The following ACTR3C variants were observed in gnomAD, a reference collection of about 807,000 sequenced individuals.
ACTR3C encodes actin related protein 3C, also known as actin-related protein 3C.
ACTR3C carries 18 observed loss-of-function variants against 26.3 expected under a neutral mutation model. That is an observed-to-expected ratio of 0.68 (90% CI 0.47 to 1.01). The LOEUF is 1.01. Ranked by LOEUF, ACTR3C falls within the 50% of genes least tolerant of loss-of-function variation. The pLI, the probability that ACTR3C is intolerant of heterozygous loss-of-function variation, is 0.00. For missense variants in ACTR3C, 184 were observed against 250.7 expected, an observed-to-expected ratio of 0.73 and a Z score of 1.80; for synonymous variants, 55 against 94.5, an observed-to-expected ratio of 0.58 and a Z score of 2.42.
the ACTR3C span, among the ~76,000 whole-genome samples, chr7:150,036,162 C>T: frequency 1.5e-5 from 2 of 131,280 alleles, no homozygotes; most frequent in African/African-American, 2.8e-5. Flanking sequence ...GGGGGTGCCT[C>T]CCCCCCCGCG....
chr7:150,277,788 G>A (rs1236039596), intron 6 of ACTR3C, among the ~76,000 whole-genome samples: 1 of 152,066 alleles, frequency 6.6e-6, no homozygotes, highest in Non-Finnish European at 1.5e-5. Flanking sequence ...TCCCAATACA[G>A]GCACTGTCCT....
chr7:150,286,600 A>G, intron 4 of ACTR3C, 60 bp from the exon 5 acceptor site: 1 of 1,585,572 alleles, frequency 6.3e-7, no homozygotes, highest in Non-Finnish European at 8.6e-7. Flanking sequence ...CTCTGCCCTC[A>G]GACAAATAAC....
At chr7:150,205,995 G>T in the ACTR3C span, among the ~76,000 whole-genome samples, 32 of 152,196 alleles carry the variant, frequency 2.1e-4, no homozygotes, top group South Asian at 6.6e-3. Flanking sequence ...TCACTTTTAC[G>T]TAATGGTACA....
chr7:149,887,582 G>T, the ACTR3C span, among the ~76,000 whole-genome samples: 1 of 152,290 alleles, frequency 6.6e-6, no homozygotes, highest in South Asian at 2.1e-4. Flanking sequence ...CCATAGTGTC[G>T]CTGGCTTGCA....
the ACTR3C span, among the ~76,000 whole-genome samples, chr7:150,161,604 A>C: frequency 1.3e-5 from 2 of 152,118 alleles, no homozygotes; most frequent in African/African-American, 2.4e-5. Flanking sequence ...TTCATAATCC[A>C]GTCTATCATT....
the ACTR3C span, among the ~76,000 whole-genome samples, chr7:150,019,529 T>C: frequency 6.6e-6 from 1 of 150,394 alleles, no homozygotes; most frequent in Non-Finnish European, 1.5e-5. Context: ...GAGGCAGAGG[T>C]TGCAGTGAGC....
chr7:150,066,991 T>G, the ACTR3C span, among the ~76,000 whole-genome samples: 681 of 152,294 alleles, frequency 4.5e-3, 5 homozygotes, highest in African/African-American at 0.016. Context: ...AGAAAACTAA[T>G]CAACCATGGA....
chr7:150,127,206 G>T, the ACTR3C span, among the ~76,000 whole-genome samples: 3 of 149,156 alleles, frequency 2.0e-5, no homozygotes, highest in Non-Finnish European at 4.4e-5. Context: ...TGGTGAACAC[G>T]TTACTCTAAG....
the ACTR3C span, among the ~76,000 whole-genome samples, chr7:149,998,562 C>CA: frequency 1.3e-5 from 2 of 149,396 alleles, no homozygotes; most frequent in African/African-American, 4.9e-5. Flanking sequence ...AAGTGCTGAG[C>CA]AAAAGGGGAA....
the ACTR3C span, among the ~76,000 whole-genome samples, chr7:150,054,308 A>G: frequency 2.0e-5 from 3 of 152,318 alleles, no homozygotes; most frequent in African/African-American, 7.2e-5. Flanking sequence ...GGCCCCCTGC[A>G]GGGAAGCATC....
the ACTR3C span, among the ~76,000 whole-genome samples, chr7:150,053,937 A>G: frequency 6.6e-6 from 1 of 152,262 alleles, no homozygotes. Context: ...CTTGTCAGCC[A>G]GAAATAACAA....
the ACTR3C span, among the ~76,000 whole-genome samples, chr7:149,903,078 G>A: frequency 9.0e-6 from 1 of 110,998 alleles, no homozygotes. Context: ...GATTAAACTA[G>A]GAATAGAAGA....
the ACTR3C span, among the ~76,000 whole-genome samples, chr7:150,200,193 T>C: frequency 6.6e-6 from 1 of 152,234 alleles, no homozygotes; most frequent in African/African-American, 2.4e-5. Context: ...TTGATTAATT[T>C]ACCTCCTTTT....
intron 4 of ACTR3C, among the ~76,000 whole-genome samples, chr7:150,288,624 G>C (rs1835966891): frequency 6.7e-6 from 1 of 148,808 alleles, no homozygotes; most frequent in South Asian, 2.2e-4. Context: ...TTCTTCCATG[G>C]AGGAAAGGCA....
chr7:150,051,161 C>T, the ACTR3C span, among the ~76,000 whole-genome samples: 5 of 150,558 alleles, frequency 3.3e-5, no homozygotes, highest in Non-Finnish European at 7.4e-5. Context: ...CACGTTTATG[C>T]ACCCACACAT....
chr7:150,115,463 C>G, the ACTR3C span, among the ~76,000 whole-genome samples: 1 of 152,220 alleles, frequency 6.6e-6, no homozygotes, highest in South Asian at 2.1e-4. Flanking sequence ...AAGCTGTGAG[C>G]TAGTGCTGTT....
chr7:150,191,158 T>G, the ACTR3C span, among the ~76,000 whole-genome samples: 1 of 152,230 alleles, frequency 6.6e-6, no homozygotes, highest in South Asian at 2.1e-4. Context: ...AGTATGAGTA[T>G]CCCCATTATG....
the ACTR3C span, among the ~76,000 whole-genome samples, chr7:150,043,143 G>A: frequency 8.6e-5 from 13 of 150,960 alleles, no homozygotes; most frequent in African/African-American, 2.4e-4. Flanking sequence ...CCCGAGCTGC[G>A]TTCGGACCCA....
chr7:150,192,263 C>T, the ACTR3C span, among the ~76,000 whole-genome samples: 1 of 151,334 alleles, frequency 6.6e-6, no homozygotes, highest in Non-Finnish European at 1.5e-5. Context: ...TCTATCTTCT[C>T]TGCTTTTTAG....
Sources: allele counts gnomAD v4.1 joint callset (sites outside exome capture counted in the v4.1 genomes callset), GRCh38; gene constraint gnomAD v4.1.1; transcripts MANE v1.5; gene names NCBI Gene and HGNC (gene_info 2026-07-23, HGNC 2026-07-21).